The following HIPK3 variants were observed in gnomAD, a reference collection of about 807,000 sequenced individuals.
HIPK3 encodes the protein homeodomain-interacting protein kinase 3.
In HIPK3, 47 loss-of-function variants were observed where a neutral mutation model predicts 124.2. That is an observed-to-expected ratio of 0.38 (90% CI 0.30 to 0.48). The LOEUF (loss-of-function observed/expected upper bound fraction) is 0.48. Ranked by LOEUF, HIPK3 falls within the 20% of genes least tolerant of loss-of-function variation. The pLI is 0.98. For synonymous variants in HIPK3, 482 were observed against 515.2 expected, an observed-to-expected ratio of 0.94 and a Z score of 0.87; for missense variants, 1,286 against 1,454.3, an observed-to-expected ratio of 0.88 and a Z score of 1.88.
chr11:33,317,578 A>G (rs1051619730), intron 2 of HIPK3, among the ~76,000 whole-genome samples: 1 of 152,166 alleles, frequency 6.6e-6, no homozygotes, highest in African/African-American at 2.4e-5. Context: ...GTCTTATTTT[A>G]TAGTATGAGA....
chr11:33,291,635 A>ACGTAGGG (rs1164600052), intron 2 of HIPK3, among the ~76,000 whole-genome samples: 2 of 152,252 alleles, frequency 1.3e-5, no homozygotes, highest in African/African-American at 4.8e-5. Flanking sequence ...TGTCAAGAAC[A>ACGTAGGG]CGTAGGGCTC....
chr11:33,276,758 T>C (rs1851281135), intron 1 of HIPK3, among the ~76,000 whole-genome samples: 1 of 152,152 alleles, frequency 6.6e-6, no homozygotes, highest in South Asian at 2.1e-4. Flanking sequence ...CAGGCTGGAG[T>C]GCAGTGGCAT....
intron 2 of HIPK3, among the ~76,000 whole-genome samples, chr11:33,321,106 T>G (rs141581457): frequency 6.6e-6 from 1 of 152,234 alleles, no homozygotes; most frequent in Non-Finnish European, 1.5e-5. Context: ...AAGGGTGTGC[T>G]AGTGAGATAA....
rs961022626 is a variant in HIPK3, at chr11:33,338,824, G to A, written c.1409G>A (p.Ser470Asn). Reference sequence around the variant, plus strand: ...GAAGCCAGAAAATACATTTTCAACAGTCTGGATGATGTAGCGCATGTGAGT... The same window carrying A: ...GAAGCCAGAAAATACATTTTCAACAATCTGGATGATGTAGCGCATGTGAGT... Reference protein sequence around the residue: ...SKEARKYIFNSLDDVAHVNTV... With the variant: ...SKEARKYIFNNLDDVAHVNTV... Residue 470 changes from serine (S) to asparagine (N), a missense_variant, in exon 5 of 17, where the codon AGT becomes AAT. By Grantham distance (46) the Ser-to-Asn change is conservative (BLOSUM62 1). Coordinates refer to ENST00000303296, the MANE Select transcript of HIPK3 (RefSeq NM_005734.5). The A allele has an allele frequency of 6.2e-7, 1 of 1,612,262 alleles. No homozygotes were observed.
At chr11:33,307,810 T>C (rs187179268) in intron 2 of HIPK3, among the ~76,000 whole-genome samples, 2 of 152,040 alleles carry the variant, frequency 1.3e-5, no homozygotes, top group African/African-American at 4.8e-5. Context: ...TTAAAAGATA[T>C]TCTCCTTATG....
intron 3 of HIPK3, among the ~76,000 whole-genome samples, chr11:33,331,121 G>A (rs1852968959): frequency 6.6e-6 from 1 of 152,088 alleles, no homozygotes; most frequent in Admixed American, 6.5e-5. Flanking sequence ...GATCTCAAAT[G>A]ATCCACCCAC....
chr11:33,261,884 A>G (rs566497140), intron 1 of HIPK3, among the ~76,000 whole-genome samples: 5 of 152,122 alleles, frequency 3.3e-5, no homozygotes, highest in Non-Finnish European at 7.4e-5. Flanking sequence ...AGCATCTGTT[A>G]TTTTTTGACT....
Position 33,280,245 on chromosome 11 carries a change from G to A in HIPK3, c.-2-6168G>A, listed in dbSNP as rs115535905. ...TGGCAGGGTCATGAATAATACAGCTGCAGAGGACAACACAGTATACATTGC... is the reference window on the plus strand; with the variant it reads ...TGGCAGGGTCATGAATAATACAGCTACAGAGGACAACACAGTATACATTGC... On this transcript the variant is annotated intron_variant, in intron 1 of 16. Coordinates refer to ENST00000303296, the MANE Select transcript of HIPK3 (RefSeq NM_005734.5). 8.9e-3 allele frequency among the ~76,000 whole-genome samples: 1,350 copies of A among 152,246 alleles called. 20 individuals carry two copies. The highest frequency in any genetic ancestry group is 0.031 in the African/African-American group (1,289 of 41,544).
intron 2 of HIPK3, among the ~76,000 whole-genome samples, chr11:33,291,163 T>C (rs1851688358): frequency 6.6e-6 from 1 of 152,200 alleles, no homozygotes; most frequent in African/African-American, 2.4e-5. Flanking sequence ...CACTACTCTG[T>C]TTAAGTATTT....
chr11:33,281,589 T>C (rs1172386002), intron 1 of HIPK3, among the ~76,000 whole-genome samples: 1 of 152,238 alleles, frequency 6.6e-6, no homozygotes, highest in East Asian at 1.9e-4. Flanking sequence ...GCTGCCAGTA[T>C]TGTTACTCTT....
chr11:33,322,715 A>C (rs187836965), intron 2 of HIPK3, among the ~76,000 whole-genome samples: 2 of 152,144 alleles, frequency 1.3e-5, no homozygotes, highest in Non-Finnish European at 2.9e-5. Flanking sequence ...AGTCCCAGCT[A>C]CTCAGGAGGC....
Position 33,289,736 on chromosome 11 carries a change from G to A in HIPK3, c.1097+2225G>A, listed in dbSNP as rs561338800. Among the ~76,000 whole-genome samples the A allele has an allele frequency of 1.2e-4, 18 of 152,146 alleles. No individual in the cohort carries two copies. The South Asian group carries it at 2.7e-3, about 23-fold the overall frequency. On this transcript the variant is annotated intron_variant, in intron 2 of 16. Transcript: ENST00000303296. ...TATTTTTGACTGTGGTCACTCTGTT[G>A]TGCTATCAAATACTACATATTATTC...
At chr11:33,336,082 G>C (rs1853138640) in intron 3 of HIPK3, among the ~76,000 whole-genome samples, 1 of 152,174 alleles carries the variant, frequency 6.6e-6, no homozygotes, top group East Asian at 1.9e-4. Flanking sequence ...GAAAAGCGCA[G>C]TGGAGAAAAA....
Position 33,352,171 on chromosome 11 carries a change from C to T in HIPK3, c.3077C>T (p.Ser1026Phe). The change falls in exon 16 of 17, where the codon TCT becomes TTT. Residue 1026 changes from serine to phenylalanine, a missense_variant. Ser to Phe is a radical substitution (Grantham distance 155). Coordinates refer to ENST00000303296, the MANE Select transcript of HIPK3 (RefSeq NM_005734.5). ...TGCCAGCCATTAATAAAAGGACGAT[C>T]TGCCCCTGGAAGATTAAACCAGCCT... is the stretch of plus-strand genomic sequence containing the variant. ...SICQPLIKGR[S>F]APGRLNQPSA... The T allele has an allele frequency of 6.2e-7, 1 of 1,613,666 alleles. No individual in the cohort carries two copies. Among genetic ancestry groups the T allele is most frequent in the Non-Finnish European group, 8.5e-7 (1 of 1,179,582 alleles).
chr11:33,322,489 G>C (rs1218698607), intron 2 of HIPK3, among the ~76,000 whole-genome samples: 2 of 152,172 alleles, frequency 1.3e-5, no homozygotes, highest in Non-Finnish European at 2.9e-5. Flanking sequence ...AATCATAAAG[G>C]CTGTTGCACT....
intron 3 of HIPK3, among the ~76,000 whole-genome samples, chr11:33,331,856 T>A (rs991343668): frequency 2.6e-5 from 4 of 152,184 alleles, no homozygotes; most frequent in African/African-American, 9.7e-5. Flanking sequence ...TACTGTTGCC[T>A]CCATTTTATA....
intron 2 of HIPK3, among the ~76,000 whole-genome samples, chr11:33,308,222 C>CAT (rs998549604): frequency 6.6e-6 from 1 of 152,162 alleles, no homozygotes; most frequent in African/African-American, 2.4e-5. Context: ...CAGATGACCT[C>CAT]ATATGTGTGG....
chr11:33,297,090 G>GT (rs1472497405), intron 2 of HIPK3, among the ~76,000 whole-genome samples: 3 of 115,786 alleles, frequency 2.6e-5, no homozygotes, highest in Admixed American at 1.1e-4. Context: ...ATATGGAAAA[G>GT]ATTTTTTTTT....
chr11:33,292,776 C>G (rs1851733104), intron 2 of HIPK3, among the ~76,000 whole-genome samples: 1 of 152,060 alleles, frequency 6.6e-6, no homozygotes, highest in South Asian at 2.1e-4. Flanking sequence ...CGCTCTGTTG[C>G]CCAGGCTGGA....
Sources: allele counts gnomAD v4.1 joint callset (sites outside exome capture counted in the v4.1 genomes callset), GRCh38; gene constraint gnomAD v4.1.1; transcripts MANE v1.5; gene names NCBI Gene and HGNC (gene_info 2026-07-23, HGNC 2026-07-21).